ATRX: variants seen among roughly 807,000 people sequenced by gnomAD.
ATRX encodes chromatin remodeler ATRX.
ATRX carries 12 observed loss-of-function variants against 172.6 expected under a neutral mutation model. That is an observed-to-expected ratio of 0.07 (90% CI 0.04 to 0.11). ATRX has a LOEUF of 0.11. Ranked by LOEUF, ATRX falls within the 10% of genes least tolerant of loss-of-function variation. ATRX has a pLI of 1.00. For synonymous variants in ATRX, 674 were observed against 594.7 expected, an observed-to-expected ratio of 1.13 and a Z score of -1.94; for missense variants, 1,368 against 1,767.4, an observed-to-expected ratio of 0.77 and a Z score of 4.05.
At chrX:77,721,218 T>A (rs1203088065) in intron 1 of ATRX, among the ~76,000 whole-genome samples, 1 of 111,523 alleles carries the variant, frequency 9.0e-6, no homozygotes, top group Non-Finnish European at 1.9e-5. Context: ...ACAGCCAACA[T>A]CATACTGAAT....
intron 26 of ATRX, among the ~76,000 whole-genome samples, chrX:77,593,454 T>C (rs1285530886): frequency 9.1e-6 from 1 of 110,160 alleles, no homozygotes; most frequent in Non-Finnish European, 1.9e-5. Flanking sequence ...CCCAAGGAAA[T>C]AAGTTCAAGT....
intron 21 of ATRX, 114 bp from the exon 22 acceptor site, chrX:77,616,844 T>C: frequency 1.9e-6 from 1 of 522,970 alleles, no homozygotes. Flanking sequence ...GCACTAAACA[T>C]ATAAGAAAAC....
chrX:77,506,902 T>TC lies in ATRX; in HGVS notation c.*1448_*1449insG, dbSNP rs1557033463. On this transcript the variant is annotated 3_prime_UTR_variant, in exon 35 of 35. Coordinates refer to ENST00000373344, the MANE Select transcript of ATRX (RefSeq NM_000489.6). The stretch of plus-strand genomic sequence containing the variant: ...CAAAGCCCAAACCCAGTTTTCTTTT[T>TC]TTTTTTTTTTTTTTTTTTTTTGGAA... 1 of 147,601 alleles carries TC rather than the reference T, an allele frequency of 6.8e-6. No individual in the cohort carries two copies. The highest frequency in any genetic ancestry group is 1.2e-5 in the Non-Finnish European group (1 of 81,142). 12.2% of individuals were successfully genotyped at this position (147,601 alleles called of 1,213,427 possible).
At chrX:77,690,236 C>A (rs1252081694) in intron 6 of ATRX, among the ~76,000 whole-genome samples, 2 of 110,737 alleles carry the variant, frequency 1.8e-5, no homozygotes, top group Non-Finnish European at 3.8e-5. Context: ...CCACTACACC[C>A]AGCTAATTCT....
chrX:77,618,310 T>C (rs1162464394), intron 21 of ATRX, among the ~76,000 whole-genome samples: 1 of 112,083 alleles, frequency 8.9e-6, no homozygotes, highest in Non-Finnish European at 1.9e-5. Flanking sequence ...AAAATCTGTA[T>C]GTAAACGACA....
chrX:77,641,564 T>TA (rs1194650695), intron 15 of ATRX, among the ~76,000 whole-genome samples: 26 of 92,446 alleles, frequency 2.8e-4, no homozygotes, highest in Admixed American at 5.2e-4. Flanking sequence ...GCCTGGGTGA[T>TA]AGAGCGAGCC....
chrX:77,669,309 CCTTT>C (rs2070426798), intron 10 of ATRX, among the ~76,000 whole-genome samples: 1 of 109,614 alleles, frequency 9.1e-6, no homozygotes, highest in African/African-American at 3.3e-5. Context: ...ACAGATGATG[CCTTT>C]TTTTTTTTTT....
chrX:77,770,794 C>T (rs2076128082), intron 1 of ATRX, among the ~76,000 whole-genome samples: 1 of 112,077 alleles, frequency 8.9e-6, no homozygotes, highest in African/African-American at 3.2e-5. Flanking sequence ...GACAATATGT[C>T]AGAATTTTGA....
chrX:77,747,529 G>A (rs1484405183), intron 1 of ATRX, among the ~76,000 whole-genome samples: 1 of 111,435 alleles, frequency 9.0e-6, no homozygotes, highest in Non-Finnish European at 1.9e-5. Flanking sequence ...CTCAAAAAAA[G>A]GGGGCGGGGG....
chrX:77,681,097 T>C (rs1474248222), intron 9 of ATRX, among the ~76,000 whole-genome samples: 2 of 111,299 alleles, frequency 1.8e-5, no homozygotes, highest in Admixed American at 9.6e-5. Context: ...GACACAAAGT[T>C]ATCTGTTCAA....
intron 30 of ATRX, among the ~76,000 whole-genome samples, chrX:77,527,909 C>G (rs781996261): frequency 9.0e-6 from 1 of 111,517 alleles, no homozygotes; most frequent in Admixed American, 9.5e-5. Context: ...CCGCCCACAG[C>G]GCAGTGCAGT....
At chrX:77,730,490 C>G (rs1370316200) in intron 1 of ATRX, among the ~76,000 whole-genome samples, 1 of 111,576 alleles carries the variant, frequency 9.0e-6, no homozygotes, top group East Asian at 2.8e-4. Context: ...CCAAATGGAC[C>G]TAATAGATAT....
intron 6 of ATRX, among the ~76,000 whole-genome samples, chrX:77,693,488 T>G (rs1490909949): frequency 3.6e-5 from 4 of 112,039 alleles, no homozygotes; most frequent in African/African-American, 1.3e-4. Context: ...AAGTTACCTG[T>G]AGGCCACAGA....
chrX:77,605,004 G>A (rs782107382), intron 22 of ATRX, among the ~76,000 whole-genome samples: 2 of 112,087 alleles, frequency 1.8e-5, no homozygotes, highest in East Asian at 5.6e-4. Flanking sequence ...TGGAAGGGTC[G>A]GGGGAAACGA....
chrX:77,717,612 A>C (rs377224243), intron 1 of ATRX, among the ~76,000 whole-genome samples: 77 of 109,870 alleles, frequency 7.0e-4, no homozygotes, highest in African/African-American at 1.4e-3. Context: ...AAAAAAAAAA[A>C]AAAAAAAGAA....
In ATRX at chrX:77,594,757, A is replaced by C. The variant is rs782674821; in HGVS notation, c.5957-908T>G. The stretch of plus-strand genomic sequence containing the variant: ...CAATAGGTAACTAAACCCCTAAATT[A>C]TATATTTACCATTTTTTGCAGTGTT... On this transcript the variant is annotated intron_variant, in intron 25 of 34. Transcript: ENST00000373344. The C allele has an allele frequency of 7.2e-5, 8 of 111,466 alleles. No homozygotes were observed. In the South Asian group the frequency reaches 3.0e-3, roughly 42 times the overall value. The allele number at this position is 111,466 out of a possible 1,213,427, so 9.2% of individuals were successfully genotyped here. A position where few individuals can be genotyped will look rare whatever the true frequency, so the allele number is the denominator to read the frequency against.
chrX:77,551,339 A>C (rs782713338), intron 30 of ATRX, among the ~76,000 whole-genome samples: 1 of 111,997 alleles, frequency 8.9e-6, no homozygotes, highest in South Asian at 3.8e-4. Context: ...GATCTTTGAC[A>C]AACCTGACAA....
chrX:77,708,837 T>TA (rs781940711), intron 2 of ATRX, among the ~76,000 whole-genome samples: 6 of 111,995 alleles, frequency 5.4e-5, no homozygotes, highest in Non-Finnish European at 1.1e-4. Flanking sequence ...TTCAATATAC[T>TA]AAAAACCACT....
intron 1 of ATRX, among the ~76,000 whole-genome samples, chrX:77,774,905 T>G (rs2076295456): frequency 9.0e-6 from 1 of 110,502 alleles, no homozygotes; most frequent in African/African-American, 3.3e-5. Context: ...TTTGTTTGTT[T>G]GTTTGTTTGT....
Sources: allele counts gnomAD v4.1 joint callset (sites outside exome capture counted in the v4.1 genomes callset), GRCh38; gene constraint gnomAD v4.1.1; transcripts MANE v1.5; gene names NCBI Gene and HGNC (gene_info 2026-07-23, HGNC 2026-07-21).